Variants in STK3 observed in about 807,000 individuals in gnomAD.
The protein encoded by STK3 is serine/threonine-protein kinase 3.
A neutral mutation model predicts 58.0 loss-of-function variants in STK3; 41 were observed. The ratio of observed to expected loss-of-function variants is 0.71; its 90% CI spans 0.55 to 0.92. STK3 has a LOEUF of 0.92. Among genes scored for constraint, STK3 ranks in the 40% least tolerant of loss-of-function variants. The pLI is 0.00. For missense variants in STK3, 479 were observed against 602.7 expected (o/e 0.79, Z 2.15); for synonymous variants, 170 against 191.0 (o/e 0.89, Z 0.91).
chr8:98,849,674 C>T (rs1163341349), intron 3 of STK3, among the ~76,000 whole-genome samples: 1 of 152,102 alleles, frequency 6.6e-6, no homozygotes, highest in African/African-American at 2.4e-5. Context: ...GGTGAGCTTG[C>T]TCTGCTTGAC....
At chr8:98,808,198 T>A (rs1834003504) in intron 1 of STK3, among the ~76,000 whole-genome samples, 1 of 152,218 alleles carries the variant, frequency 6.6e-6, no homozygotes, top group South Asian at 2.1e-4. Context: ...TTCAATCTTC[T>A]CTAAGAAGTA....
chr8:98,547,449 A>C (rs1254006436), intron 9 of STK3, among the ~76,000 whole-genome samples: 1 of 152,306 alleles, frequency 6.6e-6, no homozygotes, highest in East Asian at 1.9e-4. Flanking sequence ...ACTGTGCCTC[A>C]CATATGATAA....
chr8:98,586,165 G>A (rs978827826), intron 7 of STK3, among the ~76,000 whole-genome samples: 7 of 151,302 alleles, frequency 4.6e-5, no homozygotes, highest in East Asian at 1.9e-4. Context: ...GGGCATCCCT[G>A]TCTTGTGCCA....
Position 98,542,729 on chromosome 8 carries a change from T to A in STK3, c.1141+5240A>T, listed in dbSNP as rs1684959352. Among the ~76,000 whole-genome samples the A allele has an allele frequency of 1.3e-5, 2 of 152,350 alleles. 1 individual carries two copies. The highest frequency in any genetic ancestry group is 4.1e-4 in the South Asian group (2 of 4,824). On this transcript the variant is annotated intron_variant, in intron 9 of 10. Transcript: ENST00000419617. ...ATTAATAGGGTGGACAGATGAATAT[T>A]ATCCTTTATTGATTATCAACTATAT...
chr8:98,584,572 T>C (rs1814301565), intron 7 of STK3, among the ~76,000 whole-genome samples: 1 of 150,908 alleles, frequency 6.6e-6, no homozygotes, highest in Admixed American at 6.6e-5. Flanking sequence ...TGTGCATGTG[T>C]CTTTATAGCA....
At chr8:98,914,080 T>G (rs1360649619) in intron 1 of STK3, among the ~76,000 whole-genome samples, 1 of 151,658 alleles carries the variant, frequency 6.6e-6, no homozygotes, top group Non-Finnish European at 1.5e-5. Context: ...AAACCCGAGT[T>G]TATCACTATG....
intron 6 of STK3, among the ~76,000 whole-genome samples, chr8:98,609,078 A>G (rs1014548849): frequency 6.6e-6 from 1 of 152,186 alleles, no homozygotes; most frequent in African/African-American, 2.4e-5. Flanking sequence ...TCTTCCTTAG[A>G]AAATACACAA....
chr8:98,842,908 T>G (rs1242582037), intron 3 of STK3, among the ~76,000 whole-genome samples: 3 of 152,024 alleles, frequency 2.0e-5, no homozygotes, highest in Non-Finnish European at 4.4e-5. Context: ...TCCCAGCTAC[T>G]CAGGAGGCTA....
At chr8:98,764,205 A>G (rs1830803517) in intron 3 of STK3, among the ~76,000 whole-genome samples, 1 of 152,254 alleles carries the variant, frequency 6.6e-6, no homozygotes, top group African/African-American at 2.4e-5. Context: ...CAAAAGTTCT[A>G]GAATTCTATA....
At chr8:98,520,649 C>G (rs1825284285) in intron 10 of STK3, among the ~76,000 whole-genome samples, 1 of 151,938 alleles carries the variant, frequency 6.6e-6, no homozygotes, top group South Asian at 2.1e-4. Context: ...TAAGCAACTT[C>G]TATCAAATAG....
chr8:98,602,055 T>C (rs1436997606), intron 6 of STK3: 2 of 152,202 alleles, frequency 1.3e-5, no homozygotes, highest in African/African-American at 4.8e-5. Context: ...TATTCTAAAA[T>C]ATAAAATACA....
intron 7 of STK3, among the ~76,000 whole-genome samples, chr8:98,592,457 T>C (rs1287959766): frequency 6.6e-6 from 1 of 152,226 alleles, no homozygotes; most frequent in African/African-American, 2.4e-5. Flanking sequence ...TGAATGTAAC[T>C]TCTACATTGT....
At chr8:98,620,818 G>T (rs891802010) in intron 6 of STK3, among the ~76,000 whole-genome samples, 1 of 151,258 alleles carries the variant, frequency 6.6e-6, no homozygotes, top group Non-Finnish European at 1.5e-5. Context: ...AAAAAGAGTA[G>T]TAAAGTTTCT....
At chr8:98,862,097 C>T (rs1836957956) in intron 3 of STK3, among the ~76,000 whole-genome samples, 1 of 152,062 alleles carries the variant, frequency 6.6e-6, no homozygotes, top group Non-Finnish European at 1.5e-5. Flanking sequence ...AGTCCACAGA[C>T]CCTAAGGAGA....
At position 98,893,417 on chromosome 8, in the gene STK3, GGAAGGAAA is replaced by G. The variant is rs1394700654; in HGVS notation, c.-78-9591_-78-9584del. Among the ~76,000 whole-genome samples, 620 of 83,858 alleles carry G rather than the reference GGAAGGAAA, an allele frequency of 7.4e-3. 2 individuals carry two copies. The highest frequency in any genetic ancestry group is 0.011 in the Admixed American group (70 of 6,484). 55.0% of individuals were successfully genotyped at this position (83,858 alleles called of 152,430 possible). A position where few individuals can be genotyped will look rare whatever the true frequency, so the allele number is the denominator to read the frequency against. On this transcript the variant is annotated intron_variant, in intron 1 of 1. Coordinates refer to the STK3 transcript ENST00000519420. ...GAGAAAGAAAGAAAGAAGGAAGGAAGGAAGGAAAGAAAGAAAGAAAGAAAGAAAGAAAG... is the reference window on the plus strand; with the variant it reads ...GAGAAAGAAAGAAAGAAGGAAGGAAGGAAAGAAAGAAAGAAAGAAAGAAAG...
At chr8:98,916,495 A>G (rs1839354621) in intron 1 of STK3, among the ~76,000 whole-genome samples, 1 of 152,202 alleles carries the variant, frequency 6.6e-6, no homozygotes, top group Non-Finnish European at 1.5e-5. Context: ...GAAGGATGCC[A>G]AAAAGTTTAA....
chr8:98,832,240 T>C (rs1835557865), intron 3 of STK3, among the ~76,000 whole-genome samples: 1 of 129,714 alleles, frequency 7.7e-6, no homozygotes, highest in Non-Finnish European at 1.6e-5. Context: ...TGCCTCCTTT[T>C]CGTGAAAAAA....
At chr8:98,598,175 T>A (rs1291729573) in intron 6 of STK3, 1 of 985,288 alleles carries the variant, frequency 1.0e-6, no homozygotes, top group Non-Finnish European at 1.2e-6. Context: ...AACTGGTGGA[T>A]AACACAATGA....
chr8:98,725,717 T>TC (rs1827750492), intron 4 of STK3, among the ~76,000 whole-genome samples: 1 of 152,152 alleles, frequency 6.6e-6, no homozygotes, highest in South Asian at 2.1e-4. Context: ...TTAAATCACT[T>TC]GTGATTTAAA....
Sources: allele counts gnomAD v4.1 joint callset (sites outside exome capture counted in the v4.1 genomes callset), GRCh38; gene constraint gnomAD v4.1.1; transcripts MANE v1.5; gene names NCBI Gene and HGNC (gene_info 2026-07-23, HGNC 2026-07-21).